Variants in RAP1B observed in about 807,000 individuals in gnomAD.
The protein encoded by RAP1B is ras-related protein Rap-1b.
RAP1B carries 1 observed loss-of-function variant against 27.5 expected under a neutral mutation model. The ratio of observed to expected loss-of-function variants is 0.04; its 90% CI spans 0.01 to 0.17. The LOEUF (loss-of-function observed/expected upper bound fraction) is 0.17, where lower values mean the gene tolerates loss of function less well. RAP1B is among the 10% of genes least tolerant of loss of function. The probability of loss-of-function intolerance (pLI) is 1.00; values close to 1 mark genes in which losing one functional copy is unlikely to be tolerated. For synonymous variants in RAP1B, 75 were observed against 73.1 expected, an observed-to-expected ratio of 1.03 and a Z score of -0.13; for missense variants, 84 against 214.8, an observed-to-expected ratio of 0.39 and a Z score of 3.81.
chr12:68,644,147 G>A (rs1276563852), intron 1 of RAP1B, among the ~76,000 whole-genome samples: 8 of 152,112 alleles, frequency 5.3e-5, no homozygotes. Context: ...GTTTAGTAAT[G>A]TGTTTTTTAA....
At chr12:68,616,470 G>A (rs1474483330) in intron 1 of RAP1B, among the ~76,000 whole-genome samples, 2 of 126,642 alleles carry the variant, frequency 1.6e-5, no homozygotes, top group Non-Finnish European at 3.3e-5. Flanking sequence ...TTTTTGAGAC[G>A]GAGTCTCTCT....
At chr12:68,623,130 T>C (rs1392467513) in intron 1 of RAP1B, among the ~76,000 whole-genome samples, 1 of 152,270 alleles carries the variant, frequency 6.6e-6, no homozygotes, top group Non-Finnish European at 1.5e-5. Flanking sequence ...TCTTAGTTAC[T>C]ATATGTTAGG....
At chr12:68,651,232 C>T (rs1873792376) in intron 3 of RAP1B, among the ~76,000 whole-genome samples, 1 of 152,106 alleles carries the variant, frequency 6.6e-6, no homozygotes, top group South Asian at 2.1e-4. Context: ...TTCCTGTGTC[C>T]ACTAACAGCA....
intron 1 of RAP1B, among the ~76,000 whole-genome samples, chr12:68,625,198 A>G (rs547142405): frequency 7.2e-5 from 11 of 152,360 alleles, no homozygotes; most frequent in African/African-American, 1.7e-4. Flanking sequence ...TGAAAGCCCA[A>G]TGTAAGCATT....
At chr12:68,617,594 C>G (rs979749669) in intron 1 of RAP1B, among the ~76,000 whole-genome samples, 1 of 152,098 alleles carries the variant, frequency 6.6e-6, no homozygotes, top group Non-Finnish European at 1.5e-5. Flanking sequence ...GAGTATCATC[C>G]GTAATGCCAT....
intron 1 of RAP1B, chr12:68,624,919 G>A (rs1369655108): frequency 1.3e-5 from 2 of 152,234 alleles, no homozygotes; most frequent in Non-Finnish European, 2.9e-5. Context: ...TTGGTTACAG[G>A]AAGTGACTGC....
intron 1 of RAP1B, chr12:68,627,008 C>T: frequency 6.4e-7 from 1 of 1,570,138 alleles, no homozygotes; most frequent in Non-Finnish European, 8.7e-7. Context: ...AGCCCCACTT[C>T]TTTGAGATGT....
chr12:68,668,427 G>A lies in RAP1B; in HGVS notation c.*9178G>A, dbSNP rs780796002. 6.6e-6 allele frequency: 1 copy of A among 152,118 alleles called. No homozygotes were observed. The allele number at this position is 152,118 out of a possible 1,614,324, so 9.4% of individuals were successfully genotyped here. ...AAGTGAAATTTGTCACAATTGGCTC[G>A]ACTGCTTTATCTCACTTTGAAAAAG... On this transcript the variant is annotated 3_prime_UTR_variant, in exon 8 of 8. Coordinates refer to ENST00000250559, the MANE Select transcript of RAP1B (RefSeq NM_001010942.3).
chr12:68,647,557 A>C (rs1417511655), intron 1 of RAP1B, among the ~76,000 whole-genome samples: 1 of 149,078 alleles, frequency 6.7e-6, no homozygotes, highest in Non-Finnish European at 1.5e-5. Context: ...GGTCAGATAC[A>C]CTGCTCTTTT....
At chr12:68,638,676 T>G (rs995291042) in intron 1 of RAP1B, among the ~76,000 whole-genome samples, 2 of 152,160 alleles carry the variant, frequency 1.3e-5, no homozygotes, top group Non-Finnish European at 2.9e-5. Flanking sequence ...TTTTTGTTTT[T>G]TGAGACAGAG....
intron 1 of RAP1B, among the ~76,000 whole-genome samples, chr12:68,636,477 G>C (rs1592443854): frequency 6.6e-6 from 1 of 152,194 alleles, no homozygotes. Flanking sequence ...ACCCATGATA[G>C]AGTGCAGTAA....
At chr12:68,631,215 A>G (rs1707919446) in intron 1 of RAP1B, among the ~76,000 whole-genome samples, 1 of 152,230 alleles carries the variant, frequency 6.6e-6, no homozygotes, top group African/African-American at 2.4e-5. Context: ...TAATATCCAT[A>G]TAATATTGAA....
chr12:68,656,988 A>G (rs758018775), intron 6 of RAP1B, 113 bp from the exon 7 acceptor site: 1 of 898,262 alleles, frequency 1.1e-6, no homozygotes, highest in Non-Finnish European at 1.7e-6. Context: ...TTAGCTGAAC[A>G]ATTCTGGGCA....
chr12:68,630,441 G>T (rs529486105), intron 1 of RAP1B, among the ~76,000 whole-genome samples: 1 of 152,206 alleles, frequency 6.6e-6, no homozygotes, highest in Admixed American at 6.5e-5. Context: ...AAAACAGGGA[G>T]CAAATGGGAT....
intron 1 of RAP1B, among the ~76,000 whole-genome samples, chr12:68,632,952 G>A (rs1012231308): frequency 3.9e-5 from 6 of 152,166 alleles, no homozygotes; most frequent in South Asian, 2.1e-4. Context: ...GACTATAGAT[G>A]TGAGCTATCA....
At position 68,668,132 on chromosome 12, in the gene RAP1B, A is replaced by T. The variant is rs1874927685; in HGVS notation, c.*8883A>T. ...GGATGTAGTTAATGACATATGCAGA[A>T]TTAATGACTTGGTTGCCCTAGGCCC... On this transcript the variant is annotated 3_prime_UTR_variant, in exon 8 of 8. Coordinates refer to ENST00000250559, the MANE Select transcript of RAP1B (RefSeq NM_001010942.3). The T allele has an allele frequency of 6.6e-6, 1 of 152,258 alleles. No homozygotes were observed. Among genetic ancestry groups the T allele is most frequent in the South Asian group, 2.1e-4 (1 of 4,836 alleles). The allele number at this position is 152,258 out of a possible 1,614,324, so 9.4% of individuals were successfully genotyped here. A position where few individuals can be genotyped will look rare whatever the true frequency, so the allele number is the denominator to read the frequency against.
chr12:68,648,960 C>T, intron 2 of RAP1B, 179 bp downstream of exon 2: 1 of 561,794 alleles, frequency 1.8e-6, no homozygotes. Flanking sequence ...ATCATATTCT[C>T]TCTGGAACAT....
chr12:68,620,427 T>C (rs1215350869), intron 1 of RAP1B, among the ~76,000 whole-genome samples: 1 of 151,944 alleles, frequency 6.6e-6, no homozygotes, highest in Non-Finnish European at 1.5e-5. Context: ...TTCACCATAT[T>C]GGCCAGGCTG....
chr12:68,619,095 G>A (rs537277352), intron 1 of RAP1B, among the ~76,000 whole-genome samples: 3 of 152,292 alleles, frequency 2.0e-5, no homozygotes, highest in South Asian at 2.1e-4. Context: ...GCAAGACCCT[G>A]TCTCGAAAAA....
Sources: allele counts gnomAD v4.1 joint callset (sites outside exome capture counted in the v4.1 genomes callset), GRCh38; gene constraint gnomAD v4.1.1; transcripts MANE v1.5; gene names NCBI Gene and HGNC (gene_info 2026-07-23, HGNC 2026-07-21).